Variants in NCALD observed in about 807,000 individuals in gnomAD.
The protein encoded by NCALD is neurocalcin-delta.
A neutral mutation model predicts 18.6 loss-of-function variants in NCALD; 10 were observed. The observed-to-expected ratio is 0.54, with a 90% CI of 0.33 to 0.91. The LOEUF (loss-of-function observed/expected upper bound fraction) is 0.91, where lower values mean the gene tolerates loss of function less well. Ranked by LOEUF, NCALD falls within the 40% of genes least tolerant of loss-of-function variation. NCALD has a pLI of 0.03. For missense variants in NCALD, 184 were observed against 247.6 expected (o/e 0.74, Z 1.72); for synonymous variants, 88 against 87.4 (o/e 1.01, Z -0.04).
intron 2 of NCALD, among the ~76,000 whole-genome samples, chr8:101,931,070 A>C (rs188746083): frequency 1.3e-5 from 2 of 152,314 alleles, no homozygotes; most frequent in Non-Finnish European, 2.9e-5. Context: ...CCCTGGTGTC[A>C]CTAAGCCTGA....
chr8:101,990,654 G>A (rs1821005365), intron 2 of NCALD, among the ~76,000 whole-genome samples: 1 of 152,170 alleles, frequency 6.6e-6, no homozygotes, highest in African/African-American at 2.4e-5. Context: ...GGTGAGAGGT[G>A]TCTTTCACCT....
intron 4 of NCALD, among the ~76,000 whole-genome samples, chr8:101,873,711 T>C (rs1442458514): frequency 1.3e-5 from 2 of 152,210 alleles, no homozygotes; most frequent in Admixed American, 1.3e-4. Context: ...TGGGACATGA[T>C]GTCAGTTCTG....
intron 1 of NCALD, among the ~76,000 whole-genome samples, chr8:102,023,303 CT>C (rs1281836240): frequency 2.0e-5 from 3 of 152,104 alleles, no homozygotes; most frequent in Non-Finnish European, 4.4e-5. Flanking sequence ...AGATGTCATA[CT>C]GTGCCGTGAA....
intron 4 of NCALD, among the ~76,000 whole-genome samples, chr8:101,874,518 G>C (rs1269018344): frequency 6.6e-6 from 1 of 152,034 alleles, no homozygotes; most frequent in Non-Finnish European, 1.5e-5. Context: ...CAGTCGAACA[G>C]CTGCGTTTTT....
chr8:101,997,293 C>T (rs1355372801), intron 2 of NCALD, among the ~76,000 whole-genome samples: 1 of 152,094 alleles, frequency 6.6e-6, no homozygotes, highest in East Asian at 1.9e-4. Flanking sequence ...GGACATTGTT[C>T]CAGGCTAGGG....
intron 1 of NCALD, among the ~76,000 whole-genome samples, chr8:102,109,016 C>T (rs763058109): frequency 6.6e-6 from 1 of 152,174 alleles, no homozygotes; most frequent in African/African-American, 2.4e-5. Flanking sequence ...TACCTCACAG[C>T]AATGCAGGAG....
chr8:101,852,540 T>C (rs570104344), intron 4 of NCALD: 2 of 152,308 alleles, frequency 1.3e-5, no homozygotes, highest in African/African-American at 4.8e-5. Context: ...GTCTCCATCT[T>C]TGGGGCAGAT....
chr8:102,037,317 T>C (rs1244107680), intron 1 of NCALD, among the ~76,000 whole-genome samples: 1 of 152,206 alleles, frequency 6.6e-6, no homozygotes, highest in Non-Finnish European at 1.5e-5. Flanking sequence ...CAAATAGTGT[T>C]AAGCCAGTAT....
At chr8:101,759,294 C>T (rs910634823) in intron 1 of NCALD, among the ~76,000 whole-genome samples, 1 of 152,118 alleles carries the variant, frequency 6.6e-6, no homozygotes, top group African/African-American at 2.4e-5. Flanking sequence ...GATTCACTCT[C>T]CTAAGCCTAG....
At chr8:101,741,178 TAC>T (rs140129602) in intron 1 of NCALD, among the ~76,000 whole-genome samples, 8,118 of 152,342 alleles carry the variant, frequency 0.053, 342 homozygotes, top group Non-Finnish European at 0.076. Context: ...TATCCCTGTG[TAC>T]ACACACAGTA....
chr8:101,713,527 C>A (rs1464557919), intron 2 of NCALD, among the ~76,000 whole-genome samples: 1 of 151,484 alleles, frequency 6.6e-6, no homozygotes, highest in Non-Finnish European at 1.5e-5. Flanking sequence ...AATAGATAGA[C>A]CACTAGCCAG....
At chr8:101,777,630 A>G (rs1811847538) in intron 1 of NCALD, among the ~76,000 whole-genome samples, 2 of 152,196 alleles carry the variant, frequency 1.3e-5, no homozygotes, top group Admixed American at 1.3e-4. Flanking sequence ...TAAGGCATGT[A>G]CCATGGCCTC....
intron 2 of NCALD, among the ~76,000 whole-genome samples, chr8:102,001,599 G>A (rs536941142): frequency 1.3e-5 from 2 of 152,246 alleles, no homozygotes; most frequent in African/African-American, 2.4e-5. Context: ...TTGAAATGAT[G>A]GAAAAAATGT....
chr8:101,959,940 TG>T (rs1203672555), intron 2 of NCALD, among the ~76,000 whole-genome samples: 1 of 143,986 alleles, frequency 6.9e-6, no homozygotes, highest in Admixed American at 7.1e-5. Context: ...TCATCCCACT[TG>T]GGCTCCAACG....
intron 2 of NCALD, among the ~76,000 whole-genome samples, chr8:101,712,611 A>AAAAAAAAAAAAAAAGG (rs1815859642): frequency 7.1e-6 from 1 of 141,434 alleles, no homozygotes; most frequent in African/African-American, 2.6e-5. Flanking sequence ...AAAAAAAAAA[A>AAAAAAAAAAAAAAAGG]TAGCAGAGGT....
intron 1 of NCALD, among the ~76,000 whole-genome samples, chr8:102,087,230 C>T (rs961331328): frequency 2.6e-5 from 4 of 152,170 alleles, no homozygotes; most frequent in Non-Finnish European, 4.4e-5. Flanking sequence ...TTTCCAGTAA[C>T]ATCCTTCTGG....
chr8:102,032,089 A>G (rs879677179), intron 1 of NCALD, among the ~76,000 whole-genome samples: 3 of 152,178 alleles, frequency 2.0e-5, no homozygotes, highest in Non-Finnish European at 4.4e-5. Context: ...TGACCATATG[A>G]GCTGAGCTGC....
At chr8:101,807,674 C>A (rs1050632850) in intron 4 of NCALD, among the ~76,000 whole-genome samples, 4 of 152,106 alleles carry the variant, frequency 2.6e-5, no homozygotes, top group Admixed American at 2.6e-4. Context: ...TAGAAGCAGA[C>A]ACAAAAATCT....
chr8:101,878,428 TAGAA>T (rs1816321850), intron 4 of NCALD, among the ~76,000 whole-genome samples: 1 of 152,230 alleles, frequency 6.6e-6, no homozygotes, highest in Non-Finnish European at 1.5e-5. Context: ...AGCTGCATAA[TAGAA>T]AGCCATTTGG....
Sources: allele counts gnomAD v4.1 joint callset (sites outside exome capture counted in the v4.1 genomes callset), GRCh38; gene constraint gnomAD v4.1.1; transcripts MANE v1.5; gene names NCBI Gene and HGNC (gene_info 2026-07-23, HGNC 2026-07-21).